KCNH1: variants seen among roughly 807,000 people sequenced by gnomAD.
The protein encoded by KCNH1 is voltage-gated delayed rectifier potassium channel KCNH1.
Under a neutral mutation model 69.2 loss-of-function variants are expected in KCNH1, and 27 were observed. The observed-to-expected ratio is 0.39, with a 90% CI of 0.29 to 0.54. The LOEUF (loss-of-function observed/expected upper bound fraction) is 0.54. Among genes scored for constraint, KCNH1 ranks in the 20% least tolerant of loss-of-function variants. KCNH1 has a pLI of 0.68. For synonymous variants in KCNH1, 456 were observed against 487.7 expected, an observed-to-expected ratio of 0.93 and a Z score of 0.86; for missense variants, 798 against 1,261.6, an observed-to-expected ratio of 0.63 and a Z score of 5.57.
intron 9 of KCNH1, among the ~76,000 whole-genome samples, chr1:210,776,337 C>CCT (rs1169452796): frequency 6.6e-6 from 1 of 152,156 alleles, no homozygotes; most frequent in Non-Finnish European, 1.5e-5. Context: ...TCTCCAGGAT[C>CCT]CTCTCTATCC....
At chr1:210,759,708 ATT>A (rs1357817454) in intron 10 of KCNH1, among the ~76,000 whole-genome samples, 2 of 152,230 alleles carry the variant, frequency 1.3e-5, no homozygotes, top group East Asian at 3.8e-4. Flanking sequence ...TACATGACTT[ATT>A]AGCATTCTCA....
chr1:210,846,418 T>A (rs1685549168), intron 7 of KCNH1, among the ~76,000 whole-genome samples: 1 of 151,978 alleles, frequency 6.6e-6, no homozygotes, highest in Admixed American at 6.6e-5. Flanking sequence ...CCCTCAGAAA[T>A]AATGCCACAT....
chr1:211,010,190 C>T (rs996876311), intron 6 of KCNH1, among the ~76,000 whole-genome samples: 2 of 151,984 alleles, frequency 1.3e-5, no homozygotes, highest in South Asian at 2.1e-4. Flanking sequence ...GGAGTTTGGC[C>T]AGGTATTAGG....
At chr1:211,064,003 G>A (rs989835615) in intron 5 of KCNH1, among the ~76,000 whole-genome samples, 1 of 152,096 alleles carries the variant, frequency 6.6e-6, no homozygotes, top group African/African-American at 2.4e-5. Context: ...ACAGTTTTAA[G>A]TGGATATTTG....
chr1:210,898,154 A>G (rs1686911325), intron 7 of KCNH1, among the ~76,000 whole-genome samples: 1 of 152,358 alleles, frequency 6.6e-6, no homozygotes, highest in East Asian at 1.9e-4. Flanking sequence ...TTTGTTAAAC[A>G]GTAGTGTTTG....
chr1:210,901,829 T>C (rs1021507107), intron 7 of KCNH1, among the ~76,000 whole-genome samples: 1 of 152,222 alleles, frequency 6.6e-6, no homozygotes, highest in Non-Finnish European at 1.5e-5. Context: ...CTGTTTTATG[T>C]AACAGGATCT....
chr1:210,690,237 G>A (rs78594545), intron 10 of KCNH1, among the ~76,000 whole-genome samples: 4,072 of 150,814 alleles, frequency 0.027, 106 homozygotes, highest in African/African-American at 0.07. Context: ...ACACAAAGCC[G>A]TCTAGAGTTG....
intron 1 of KCNH1, among the ~76,000 whole-genome samples, chr1:211,118,250 A>T (rs1422070494): frequency 6.6e-6 from 1 of 152,226 alleles, no homozygotes; most frequent in Admixed American, 6.5e-5. Flanking sequence ...GTATATATGT[A>T]TCTTTTACAA....
chr1:210,862,326 G>A (rs994127416), intron 7 of KCNH1: 1 of 732,002 alleles, frequency 1.4e-6, no homozygotes, highest in Admixed American at 2.0e-5. Flanking sequence ...AGTGCTACTG[G>A]GCCAGGAATA....
chr1:210,896,299 A>G (rs1686865483), intron 7 of KCNH1, among the ~76,000 whole-genome samples: 2 of 150,554 alleles, frequency 1.3e-5, no homozygotes, highest in Admixed American at 1.3e-4. Context: ...GGGATCTTTA[A>G]AAAAAAAAAT....
intron 6 of KCNH1, among the ~76,000 whole-genome samples, chr1:211,013,124 C>A (rs565184901): frequency 6.6e-6 from 1 of 152,300 alleles, no homozygotes; most frequent in South Asian, 2.1e-4. Flanking sequence ...TGTGTGAAAA[C>A]TGAAATGCTA....
At chr1:210,998,484 C>T (rs1210949500) in intron 6 of KCNH1, among the ~76,000 whole-genome samples, 2 of 152,102 alleles carry the variant, frequency 1.3e-5, no homozygotes, top group Admixed American at 6.6e-5. Flanking sequence ...TATATGCATC[C>T]AACACAGGAG....
chr1:210,787,522 G>A (rs187391579), intron 9 of KCNH1, among the ~76,000 whole-genome samples: 195 of 152,252 alleles, frequency 1.3e-3, no homozygotes, highest in African/African-American at 4.5e-3. Flanking sequence ...TACCTGATGC[G>A]TTTCACATCA....
chr1:211,109,109 G>A (rs1297980290), intron 1 of KCNH1, among the ~76,000 whole-genome samples: 3 of 152,170 alleles, frequency 2.0e-5, no homozygotes, highest in African/African-American at 7.2e-5. Context: ...TGCCTAAAAG[G>A]TAACTGGCAC....
At chr1:210,810,950 CT>C (rs1321367198) in intron 7 of KCNH1, among the ~76,000 whole-genome samples, 4 of 152,124 alleles carry the variant, frequency 2.6e-5, no homozygotes, top group Non-Finnish European at 5.9e-5. Flanking sequence ...GTAGACTGAC[CT>C]GGCTAGAGTT....
At chr1:210,801,457 T>C (rs892833532) in intron 8 of KCNH1, among the ~76,000 whole-genome samples, 2 of 152,148 alleles carry the variant, frequency 1.3e-5, no homozygotes, top group African/African-American at 4.8e-5. Flanking sequence ...GTAGCCACAG[T>C]TGGGTCCATG....
intron 5 of KCNH1, among the ~76,000 whole-genome samples, chr1:211,059,599 C>T (rs1571614931): frequency 1.3e-5 from 2 of 151,696 alleles, no homozygotes; most frequent in South Asian, 4.2e-4. Context: ...AAAAATTAGC[C>T]GGACGTGGTG....
intron 5 of KCNH1, among the ~76,000 whole-genome samples, chr1:211,030,170 A>G (rs556374398): frequency 1.3e-5 from 2 of 152,368 alleles, no homozygotes; most frequent in South Asian, 2.1e-4. Flanking sequence ...TAAAATTTAT[A>G]TGAAAGTCAA....
intron 7 of KCNH1, among the ~76,000 whole-genome samples, chr1:210,853,910 T>C (rs1250817961): frequency 7.8e-6 from 1 of 127,698 alleles, no homozygotes; most frequent in Non-Finnish European, 1.6e-5. Context: ...CAGGTGACAT[T>C]TTAATATGCC....
Sources: allele counts gnomAD v4.1 joint callset (sites outside exome capture counted in the v4.1 genomes callset), GRCh38; gene constraint gnomAD v4.1.1; transcripts MANE v1.5; gene names NCBI Gene and HGNC (gene_info 2026-07-23, HGNC 2026-07-21).